Variants in ERP29 observed in about 807,000 individuals in gnomAD.
ERP29 encodes endoplasmic reticulum resident protein 29.
Under a neutral mutation model 21.7 loss-of-function variants are expected in ERP29, and 14 were observed. The ratio of observed to expected loss-of-function variants is 0.64; its 90% CI spans 0.43 to 1.01. The LOEUF (loss-of-function observed/expected upper bound fraction) is 1.01, where lower values mean the gene tolerates loss of function less well. Ranked by LOEUF, ERP29 falls within the 50% of genes least tolerant of loss-of-function variation. The probability of loss-of-function intolerance (pLI) is 0.00; values close to 1 mark genes in which losing one functional copy is unlikely to be tolerated. For synonymous variants in ERP29, 129 were observed against 139.1 expected (o/e 0.93, Z 0.51); for missense variants, 286 against 327.3 (o/e 0.87, Z 0.97).
chr12:112,019,780 T>G lies in ERP29; in HGVS notation c.169T>G (p.Leu57Val). 1 of 1,614,066 alleles carries G rather than the reference T, an allele frequency of 6.2e-7. No individual in the cohort carries two copies. Among genetic ancestry groups the G allele is most frequent in the Non-Finnish European group, 8.5e-7 (1 of 1,180,006 alleles). ...GGTCATTCCCAAAAGCAAGTTCGTCTTGGTGAAGTTCGACACCCAGTACCC... is the reference window on the plus strand; with the variant it reads ...GGTCATTCCCAAAAGCAAGTTCGTCGTGGTGAAGTTCGACACCCAGTACCC... ...YKVIPKSKFV[L>V]VKFDTQYPYG... is the part of the protein sequence containing the mutation. The change falls in exon 2 of 3, where the codon TTG becomes GTG. Residue 57 changes from leucine (L) to valine (V), a missense_variant. Coordinates refer to ENST00000261735, the MANE Select transcript of ERP29 (RefSeq NM_006817.4).
At position 112,022,467 on chromosome 12, in the gene ERP29, C is replaced by G. The variant is rs763836393; in HGVS notation, c.601C>G (p.Gln201Glu). 6.2e-7 allele frequency: 1 copy of G among 1,614,070 alleles called. No individual in the cohort carries two copies. The highest frequency in any genetic ancestry group is 8.5e-7 in the Non-Finnish European group (1 of 1,179,972). Residue 201 changes from glutamine to glutamate, a missense_variant, in exon 3 of 3, where the codon CAA becomes GAA. Gln to Glu is a conservative substitution (Grantham distance 29, BLOSUM62 2). Coordinates refer to ENST00000261735, the MANE Select transcript of ERP29 (RefSeq NM_006817.4). ...VKETQKKWAE[Q>E]YLKIMGKILD... Reference sequence around the variant, plus strand: ...GGAGACTCAGAAGAAGTGGGCCGAGCAATACCTGAAGATCATGGGGAAGAT... The same window carrying G: ...GGAGACTCAGAAGAAGTGGGCCGAGGAATACCTGAAGATCATGGGGAAGAT...
intron 2 of ERP29, 82 bp downstream of exon 2, chr12:112,019,976 A>C: frequency 2.0e-6 from 3 of 1,533,792 alleles, no homozygotes; most frequent in Non-Finnish European, 2.7e-6. Flanking sequence ...AGGAATACCC[A>C]GCATCTTTCC....
rs2078063357 is a variant in ERP29 at position 112,023,364 on chromosome 12, A to AATT, written c.*714_*716dup. 1 of 152,242 alleles carries AATT rather than the reference A, an allele frequency of 6.6e-6. No homozygotes were observed. The highest frequency in any genetic ancestry group is 1.5e-5 in the Non-Finnish European group (1 of 68,040). 9.4% of individuals were successfully genotyped at this position (152,242 alleles called of 1,614,324 possible). A position where few individuals can be genotyped will look rare whatever the true frequency, so the allele number is the denominator to read the frequency against. On this transcript the variant is annotated 3_prime_UTR_variant, in exon 3 of 3. Transcript: ENST00000261735. ...GCTAAATGATATAGTCCGATTTCAA[A>AATT]ATTAAAAAATATTTTCCATCTAAAT...
chr12:112,013,443 T>TC lies in ERP29; in HGVS notation c.-20dup. On this transcript the variant is annotated 5_prime_UTR_variant, in exon 1 of 3. Transcript: ENST00000261735. Reference sequence around the variant, plus strand: ...CGTTCTCCACTATCGCTTACCTACCTCCCTCTGCAGGAACCCGGCGATATG... The same window carrying TC: ...CGTTCTCCACTATCGCTTACCTACCTCCCCTCTGCAGGAACCCGGCGATATG... The TC allele has an allele frequency of 6.2e-7, 1 of 1,600,082 alleles. No homozygotes were observed. Among genetic ancestry groups the TC allele is most frequent in the South Asian group, 1.1e-5 (1 of 89,498 alleles).
At position 112,022,980 on chromosome 12, in the gene ERP29, G is replaced by GTGGACCTGAA. The variant is rs2078060740; in HGVS notation, c.*328_*329insTGGACCTGAA. 4.3e-6 allele frequency: 1 copy of GTGGACCTGAA among 232,248 alleles called. No individual in the cohort carries two copies. Among genetic ancestry groups the GTGGACCTGAA allele is most frequent in the South Asian group, 1.2e-4 (1 of 8,116 alleles). The allele number at this position is 232,248 out of a possible 1,614,324, so 14.4% of individuals were successfully genotyped here. ...CATTCAATTAAAGTTTCAGTGTTTT[G>GTGGACCTGAA]GTTAAGTGGACCTGAAGCCATTCTT... On this transcript the variant is annotated 3_prime_UTR_variant, in exon 3 of 3. Coordinates refer to ENST00000261735, the MANE Select transcript of ERP29 (RefSeq NM_006817.4).
In ERP29 at chr12:112,022,684, G is replaced by C. The variant is rs377013289; in HGVS notation, c.*32G>C. 2.7e-5 allele frequency: 43 copies of C among 1,574,262 alleles called. No individual in the cohort carries two copies. The highest frequency in any genetic ancestry group is 3.5e-5 in the Non-Finnish European group (41 of 1,162,080). ...TGTCTGTGATTTTCCAGGGTTTGGTGGGGGTAGGGAGGGGAGAGTTAACCT... is the reference window on the plus strand; with the variant it reads ...TGTCTGTGATTTTCCAGGGTTTGGTCGGGGTAGGGAGGGGAGAGTTAACCT... On this transcript the variant is annotated 3_prime_UTR_variant, in exon 3 of 3. Coordinates refer to ENST00000261735, the MANE Select transcript of ERP29 (RefSeq NM_006817.4).
intron 1 of ERP29, 113 bp downstream of exon 1, chr12:112,013,722 G>A: frequency 8.3e-7 from 1 of 1,200,524 alleles, no homozygotes; most frequent in Non-Finnish European, 1.1e-6. Flanking sequence ...CTGTAGCAAC[G>A]GTCCCAGAGC....
At position 112,022,381 on chromosome 12, in the gene ERP29, C is replaced by G. The variant is rs749877798; in HGVS notation, c.515C>G (p.Ser172Cys). 1 of 1,614,166 alleles carries G rather than the reference C, an allele frequency of 6.2e-7. No homozygotes were observed. ...DALAGEFIRA[S>C]GVEARQALLK... ...CTGGCCGGGGAGTTCATCAGGGCCT[C>G]TGGTGTGGAGGCCCGCCAGGCCCTC... is the stretch of plus-strand genomic sequence containing the variant. Residue 172 changes from serine to cysteine, a missense_variant, in exon 3 of 3, where the codon TCT (serine) becomes TGT (cysteine). Coordinates refer to ENST00000261735, the MANE Select transcript of ERP29 (RefSeq NM_006817.4).
rs2078058777 is a variant in ERP29 at position 112,022,742 on chromosome 12, G to C, written c.*90G>C. ...GTGAGTCCCTTGTGGAATATAAGGG[G>C]GTAGTGGGAAAAGTGGTACTAACCC... is the stretch of plus-strand genomic sequence containing the variant. On this transcript the variant is annotated 3_prime_UTR_variant, in exon 3 of 3. Coordinates refer to ENST00000261735, the MANE Select transcript of ERP29 (RefSeq NM_006817.4). The C allele has an allele frequency of 7.3e-7, 1 of 1,370,400 alleles. No individual in the cohort carries two copies. The highest frequency in any genetic ancestry group is 1.4e-5 in the South Asian group (1 of 72,030). 84.9% of individuals were successfully genotyped at this position (1,370,400 alleles called of 1,614,324 possible).
intron 1 of ERP29, among the ~76,000 whole-genome samples, chr12:112,016,266 C>T (rs1291473751): frequency 2.6e-5 from 4 of 152,228 alleles, no homozygotes; most frequent in Admixed American, 6.5e-5. Flanking sequence ...TCTTCCATCA[C>T]GACTGAACCA....
At chr12:112,015,561 A>C (rs1250441299) in intron 1 of ERP29, among the ~76,000 whole-genome samples, 1 of 151,788 alleles carries the variant, frequency 6.6e-6, no homozygotes, top group East Asian at 1.9e-4. Context: ...ACAGCACCCT[A>C]TGCTTTGGGG....
Position 112,022,351 on chromosome 12 carries a change from A to T in ERP29, c.485A>T (p.Asp162Val), listed in dbSNP as rs759714503. 11 of 1,614,098 alleles carry T rather than the reference A, an allele frequency of 6.8e-6. No homozygotes were observed. Among genetic ancestry groups the T allele is most frequent in the Non-Finnish European group, 9.3e-6 (11 of 1,179,994 alleles). The change falls in exon 3 of 3, where the codon GAC becomes GTC. Residue 162 changes from aspartate (D) to valine (V), a missense_variant. Transcript: ENST00000261735. ...LGMPGCLPVY[D>V]ALAGEFIRAS... ...ATGCCTGGTTGCCTGCCTGTATACG[A>T]CGCCCTGGCCGGGGAGTTCATCAGG...
At chr12:112,014,065 G>A (rs1445877174) in intron 1 of ERP29, among the ~76,000 whole-genome samples, 1 of 152,254 alleles carries the variant, frequency 6.6e-6, no homozygotes, top group African/African-American at 2.4e-5. Flanking sequence ...CCTCTTCCCA[G>A]GGTTGGATTG....
chr12:112,018,376 G>A (rs2078026378), intron 1 of ERP29, among the ~76,000 whole-genome samples: 1 of 151,802 alleles, frequency 6.6e-6, no homozygotes, highest in African/African-American at 2.4e-5. Context: ...AGCCTCACGT[G>A]ATCCTCCCAC....
At position 112,022,635 on chromosome 12, in the gene ERP29, G is replaced by T; in HGVS notation, c.769G>T (p.Glu257Ter). Residue 257 changes from glutamate (E) to a stop codon, truncating the protein, a stop_gained, in exon 3 of 3, where the codon GAG becomes TAG. Transcript: ENST00000261735. LOFTEE classifies it high-confidence loss of function. ...GACTGCCTTCCAGAAGAAGGGGGCCGAGAAAGAGGAGCTGTAAAAAGGCTG... is the reference window on the plus strand; with the variant it reads ...GACTGCCTTCCAGAAGAAGGGGGCCTAGAAAGAGGAGCTGTAAAAAGGCTG... ...ILTAFQKKGA[E>*]KEEL 1.9e-6 allele frequency: 3 copies of T among 1,608,850 alleles called. No homozygotes were observed. In the South Asian group the frequency reaches 3.3e-5, roughly 18 times the overall value.
intron 2 of ERP29, 77 bp from the exon 3 acceptor site, chr12:112,022,073 T>C: frequency 2.7e-6 from 4 of 1,464,788 alleles, no homozygotes; most frequent in Non-Finnish European, 3.8e-6. Context: ...TTTCCCTCAG[T>C]TCAGCTAGGT....
chr12:112,022,198 A>T lies in ERP29; in HGVS notation c.332A>T (p.Asp111Val), dbSNP rs2078051700. 6.2e-7 allele frequency: 1 copy of T among 1,614,096 alleles called. No individual in the cohort carries two copies. Among genetic ancestry groups the T allele is most frequent in the African/African-American group, 1.3e-5 (1 of 74,940 alleles). Residue 111 changes from aspartate (D) to valine (V), a missense_variant, in exon 3 of 3, where the codon GAC becomes GTC. Asp to Val is a radical substitution (Grantham distance 152). Transcript: ENST00000261735. ...GAGCTGAGTGAGAAATACAAGCTGG[A>T]CAAAGAGAGCTACCCAGTCTTCTAC... ...NMELSEKYKL[D>V]KESYPVFYLF... is the part of the protein sequence containing the mutation.
chr12:112,014,774 T>C (rs1489224014), intron 1 of ERP29: 1 of 152,242 alleles, frequency 6.6e-6, no homozygotes, highest in Non-Finnish European at 1.5e-5. Context: ...TTTGTACTCA[T>C]TGTGGGGAAG....
intron 1 of ERP29, chr12:112,018,884 C>T (rs2078028725): frequency 6.6e-6 from 1 of 152,094 alleles, no homozygotes. Context: ...TGAAAACATG[C>T]TAAGTGAAAA....
Sources: gnomAD v4.1 joint callset for allele counts (sites outside exome capture counted in the v4.1 genomes callset) on GRCh38, gnomAD v4.1.1 for gene constraint, MANE v1.5 for transcripts, NCBI Gene and HGNC (gene_info 2026-07-23, HGNC 2026-07-21) for gene names.